The following HS3ST6 variants were observed in gnomAD, a reference collection of about 807,000 sequenced individuals.
The protein encoded by HS3ST6 is heparan sulfate-glucosamine 3-sulfotransferase 6.
HS3ST6 carries 13 observed loss-of-function variants against 11.0 expected under a neutral mutation model. The ratio of observed to expected loss-of-function variants is 1.18; its 90% CI spans 0.77 to 1.88. The LOEUF is 1.88. Among genes scored for constraint, HS3ST6 ranks in the 40% most tolerant of loss-of-function variants. HS3ST6 has a pLI of 0.00. For missense variants in HS3ST6, 541 were observed against 494.4 expected (o/e 1.09, Z -0.89); for synonymous variants, 232 against 230.6 (o/e 1.01, Z -0.06).
In HS3ST6 at chr16:1,912,191, C is replaced by T. The variant is rs770429079; in HGVS notation, c.428G>A (p.Arg143Gln). The stretch of plus-strand genomic sequence containing the variant: ...CATGGTGATCTGCCCATCCAGGGTT[C>T]GGGGCATCAGACTCCTGCGGGACGG... ...GLAWYRSLMPRTLDGQITMEK... is the reference protein window; with the variant it reads ...GLAWYRSLMPQTLDGQITMEK... Residue 143 changes from arginine (R) to glutamine (Q), a missense_variant, in exon 2 of 2, where the codon CGA becomes CAA. Transcript: ENST00000454677. This position sits in a 1 kb window ranked among gnomAD's most constrained non-coding sequence, Gnocchi z 5.6. The T allele has an allele frequency of 9.1e-6, 13 of 1,434,674 alleles. No individual in the cohort carries two copies. Among genetic ancestry groups the T allele is most frequent in the South Asian group, 6.8e-5 (4 of 58,634 alleles). 88.9% of individuals were successfully genotyped at this position (1,434,674 alleles called of 1,614,324 possible).
chr16:1,913,761 C>G (rs1039069871), intron 1 of HS3ST6, among the ~76,000 whole-genome samples: 1 of 152,116 alleles, frequency 6.6e-6, no homozygotes, highest in Non-Finnish European at 1.5e-5. Flanking sequence ...GTTCTGAGTC[C>G]CCTTTTCCTG....
In HS3ST6 at chr16:1,918,024, C is replaced by T. The variant is rs772542754; in HGVS notation, c.300G>A (p.Lys100=). 1.3e-5 allele frequency: 20 copies of T among 1,533,814 alleles called. No homozygotes were observed. Among genetic ancestry groups the T allele is most frequent in the Admixed American group, 5.9e-5 (3 of 50,832 alleles). Residue 100 remains lysine, a synonymous_variant, in exon 1 of 2, where the codon AAG becomes AAA. Coordinates refer to ENST00000454677, the MANE Select transcript of HS3ST6 (RefSeq NM_001009606.4). The surrounding 1 kb of genome is among the most constrained non-coding windows in gnomAD (Gnocchi z 6.0). ...ACTCCAGCAGGGCGCGCGTGCCGCCCTTCTTCACGCCAACGATGAGCGCTT... is the reference window on the plus strand; with the variant it reads ...ACTCCAGCAGGGCGCGCGTGCCGCCTTTCTTCACGCCAACGATGAGCGCTT... ...FPQALIVGVK[K]GGTRALLEFL...
In HS3ST6 at chr16:1,911,872, C is replaced by A; in HGVS notation, c.747G>T (p.Gly249=). Residue 249 remains glycine, a synonymous_variant, in exon 2 of 2, where the codon GGG becomes GGT. Coordinates refer to ENST00000454677, the MANE Select transcript of HS3ST6 (RefSeq NM_001009606.4). The part of the protein sequence containing the change: ...FPLSHFLFVS[G]ERLVSDPAGE... ...CGGCCGGGTCGCTGACCAGACGCTCCCCGCTGACGAACAGGAAGTGGGACA... is the reference window on the plus strand; with the variant it reads ...CGGCCGGGTCGCTGACCAGACGCTCACCGCTGACGAACAGGAAGTGGGACA... 1 of 1,607,512 alleles carries A rather than the reference C, an allele frequency of 6.2e-7. No homozygotes were observed.
In HS3ST6 at chr16:1,918,148, G is replaced by A; in HGVS notation, c.176C>T (p.Ala59Val). Reference protein sequence around the residue: ...GRCPPAARAPAPAPAPSEPSS... With the variant: ...GRCPPAARAPVPAPAPSEPSS... ...CGGCTCGGAGGGCGCGGGGGCCGGC[G>A]CGGGGGCGCGGGCGGCCGGCGGGCA... The change falls in exon 1 of 2, where the codon GCG (alanine) becomes GTG (valine). Residue 59 changes from alanine to valine, a missense_variant. Transcript: ENST00000454677. The surrounding 1 kb of genome is among the most constrained non-coding windows in gnomAD (Gnocchi z 6.0). 8.5e-7 allele frequency: 1 copy of A among 1,175,144 alleles called. No homozygotes were observed. The highest frequency in any genetic ancestry group is 1.0e-6 in the Non-Finnish European group (1 of 952,582). The allele number at this position is 1,175,144 out of a possible 1,614,324, so 72.8% of individuals were successfully genotyped here. A position where few individuals can be genotyped will look rare whatever the true frequency, so the allele number is the denominator to read the frequency against.
rs375260473 is a variant in HS3ST6, at chr16:1,912,037, C to T, written c.582G>A (p.Thr194=). 1.3e-6 allele frequency: 2 copies of T among 1,520,322 alleles called. No homozygotes were observed. Among genetic ancestry groups the T allele is most frequent in the Non-Finnish European group, 1.8e-6 (2 of 1,135,910 alleles). 94.2% of individuals were successfully genotyped at this position (1,520,322 alleles called of 1,614,324 possible). The part of the protein sequence containing the change: ...VTRAISDYAQ[T]LSKTPGLPSF... ...TGGGCAGGCCCGGGGTCTTGGAGAG[C>T]GTCTGGGCGTAGTCGGAGATGGCCC... The change falls in exon 2 of 2, where the codon ACG becomes ACA. Residue 194 remains threonine, a synonymous_variant. Coordinates refer to ENST00000454677, the MANE Select transcript of HS3ST6 (RefSeq NM_001009606.4). The surrounding 1 kb of genome is among the most constrained non-coding windows in gnomAD (Gnocchi z 5.6).
rs761161730 is a variant in HS3ST6 at position 1,912,051 on chromosome 16, C to T, written c.568G>A (p.Asp190Asn). 27 of 1,514,476 alleles carry T rather than the reference C, an allele frequency of 1.8e-5. No individual in the cohort carries two copies. Among genetic ancestry groups the T allele is most frequent in the Non-Finnish European group, 2.4e-5 (27 of 1,132,932 alleles). The allele number at this position is 1,514,476 out of a possible 1,614,324, so 93.8% of individuals were successfully genotyped here. ...VRNPVTRAIS[D>N]YAQTLSKTPG... ...GTCTTGGAGAGCGTCTGGGCGTAGT[C>T]GGAGATGGCCCGGGTCACGGGGTTC... The change falls in exon 2 of 2, where the codon GAC becomes AAC. Residue 190 changes from aspartate (D) to asparagine (N), a missense_variant. Transcript: ENST00000454677. This position sits in a 1 kb window ranked among gnomAD's most constrained non-coding sequence, Gnocchi z 5.6.
At chr16:1,913,152 A>G (rs2082902972) in intron 1 of HS3ST6, among the ~76,000 whole-genome samples, 1 of 152,104 alleles carries the variant, frequency 6.6e-6, no homozygotes, top group African/African-American at 2.4e-5. Context: ...TGGACTCAGC[A>G]GGCCAAAAAG....
chr16:1,920,482 C>T (rs547414951), upstream of HS3ST6, among the ~76,000 whole-genome samples: 1 of 152,274 alleles, frequency 6.6e-6, no homozygotes, highest in South Asian at 2.1e-4. Flanking sequence ...CTCAGCAGTC[C>T]CTACTCAGGA....
At chr16:1,917,830 A>C in intron 1 of HS3ST6, 81 bp downstream of exon 1, 1 of 1,106,678 alleles carries the variant, frequency 9.0e-7, no homozygotes, top group Non-Finnish European at 1.2e-6. Flanking sequence ...GGGAGGCAGG[A>C]TATCGTGCCG....
At chr16:1,915,080 G>A (rs1014149251) in intron 1 of HS3ST6, among the ~76,000 whole-genome samples, 20 of 152,208 alleles carry the variant, frequency 1.3e-4, no homozygotes, top group African/African-American at 4.8e-4. Flanking sequence ...CCTGGGACTC[G>A]CAGATGCCAA....
At position 1,911,897 on chromosome 16, in the gene HS3ST6, A is replaced by C. The variant is rs1431696641; in HGVS notation, c.722T>G (p.Leu241Arg). ...HLDHWLRYFP[L>R]SHFLFVSGER... ...CCCGCTGACGAACAGGAAGTGGGAC[A>C]GGGGGAAGTAGCGCAGCCAGTGGTC... The change falls in exon 2 of 2, where the codon CTG (leucine) becomes CGG (arginine). Residue 241 changes from leucine to arginine, a missense_variant. Physicochemically the swap from Leu to Arg is moderately radical, Grantham distance 102. Coordinates refer to ENST00000454677, the MANE Select transcript of HS3ST6 (RefSeq NM_001009606.4). 1 of 1,604,430 alleles carries C rather than the reference A, an allele frequency of 6.2e-7. No individual in the cohort carries two copies. Among genetic ancestry groups the C allele is most frequent in the African/African-American group, 1.3e-5 (1 of 74,898 alleles).
At chr16:1,916,732 T>G (rs1247418235) in intron 1 of HS3ST6, among the ~76,000 whole-genome samples, 8 of 149,596 alleles carry the variant, frequency 5.3e-5, no homozygotes, top group East Asian at 2.0e-4. Flanking sequence ...CTTTCTCCCC[T>G]TCCCCCTCCC....
At chr16:1,919,985 C>A (rs1459528923), upstream of HS3ST6, among the ~76,000 whole-genome samples, 2 of 151,868 alleles carry the variant, frequency 1.3e-5, no homozygotes, top group African/African-American at 4.8e-5. Context: ...TGGGGTCCCA[C>A]CCTGCAGCAT....
chr16:1,915,434 C>T (rs2082919493), intron 1 of HS3ST6, among the ~76,000 whole-genome samples: 1 of 152,188 alleles, frequency 6.6e-6, no homozygotes, highest in South Asian at 2.1e-4. Flanking sequence ...CATCACCACG[C>T]CTGGCTAATT....
chr16:1,918,290 C>G lies in HS3ST6; in HGVS notation c.34G>C (p.Gly12Arg). The change falls in exon 1 of 2, where the codon GGG becomes CGG. Residue 12 changes from glycine (G) to arginine (R), a missense_variant. By Grantham distance (125) the Gly-to-Arg change is moderately radical. Transcript: ENST00000454677. The surrounding 1 kb of genome is among the most constrained non-coding windows in gnomAD (Gnocchi z 6.0). ...CCGGCCCCTGCGCCCTGGCCGCCCC[C>G]GGCCCCGCCGCCCAGGCCGCCGCTA... ...AGSGGLGGGA[G>R]GGQGAGAGQG... 2.4e-6 allele frequency: 2 copies of G among 833,252 alleles called. No homozygotes were observed. Among genetic ancestry groups the G allele is most frequent in the South Asian group, 5.2e-5 (1 of 19,064 alleles). 51.6% of individuals were successfully genotyped at this position (833,252 alleles called of 1,614,324 possible). A position where few individuals can be genotyped will look rare whatever the true frequency, so the allele number is the denominator to read the frequency against.
chr16:1,915,556 G>A (rs1042227582), intron 1 of HS3ST6, among the ~76,000 whole-genome samples: 2 of 152,228 alleles, frequency 1.3e-5, no homozygotes, highest in African/African-American at 2.4e-5. Context: ...GATTACAGGC[G>A]TGAGCCACTG....
chr16:1,911,595 C>A lies in HS3ST6; in HGVS notation c.1024G>T (p.Gly342Cys). 2 of 1,598,738 alleles carry A rather than the reference C, an allele frequency of 1.3e-6. No individual in the cohort carries two copies. The highest frequency in any genetic ancestry group is 1.7e-6 in the Non-Finnish European group (2 of 1,172,886). The stretch of plus-strand genomic sequence containing the variant: ...GAGCATCCCCAGGGTGCCGCTCAGC[C>A]CCAGCCGAAGTCCTGGCCCGTCATC... ...YQMTGQDFGWG is the reference protein window; with the variant it reads ...YQMTGQDFGWC The change falls in exon 2 of 2, where the codon GGC (glycine) becomes TGC (cysteine). Residue 342 changes from glycine to cysteine, a missense_variant. Transcript: ENST00000454677.
intron 1 of HS3ST6, among the ~76,000 whole-genome samples, chr16:1,916,378 A>T (rs2082927220): frequency 6.7e-6 from 1 of 148,666 alleles, no homozygotes; most frequent in Admixed American, 6.7e-5. Context: ...CAGAGCAGTC[A>T]CTCTCCTGTA....
chr16:1,919,286 C>A (rs1334251163), upstream of HS3ST6, among the ~76,000 whole-genome samples: 6 of 152,202 alleles, frequency 3.9e-5, no homozygotes, highest in Non-Finnish European at 5.9e-5. Context: ...AGCCCAGGAC[C>A]TCCCCCAGGG....
Sources: gnomAD v4.1 joint callset for allele counts (sites outside exome capture counted in the v4.1 genomes callset) on GRCh38, gnomAD v4.1.1 for gene constraint, Gnocchi (gnomAD v3.1) non-coding constraint, MANE v1.5 for transcripts, NCBI Gene and HGNC (gene_info 2026-07-23, HGNC 2026-07-21) for gene names.